Variants in LRRFIP2 observed in about 807,000 individuals in gnomAD.
LRRFIP2 encodes the protein LRR binding FLII interacting protein 2, also known as leucine-rich repeat flightless-interacting protein 2.
In LRRFIP2, 109 loss-of-function variants were observed where a neutral mutation model predicts 125.9. The observed-to-expected ratio is 0.87, with a 90% CI of 0.74 to 1.01. The LOEUF (loss-of-function observed/expected upper bound fraction) is 1.01, where lower values mean the gene tolerates loss of function less well. LRRFIP2 is among the 50% of genes least tolerant of loss of function. LRRFIP2 has a pLI of 0.00. For missense variants in LRRFIP2, 850 were observed against 862.3 expected, an observed-to-expected ratio of 0.99 and a Z score of 0.18; for synonymous variants, 291 against 293.1, an observed-to-expected ratio of 0.99 and a Z score of 0.07.
rs146731076 is a variant in LRRFIP2, at chr3:37,106,965, C to T, written c.714+1108G>A. Among the ~76,000 whole-genome samples the T allele has an allele frequency of 1.9e-3, 288 of 148,004 alleles. 1 individual carries two copies. The highest frequency in any genetic ancestry group is 6.8e-3 in the African/African-American group (272 of 39,838). On this transcript the variant is annotated intron_variant, in intron 13 of 27. Coordinates refer to ENST00000336686, the MANE Select transcript of LRRFIP2 (RefSeq NM_006309.4). ...TGTTGCCCAGGCTGGAGTGCAATGG[C>T]GTGATCTTGGCTCACCGCAGCCTCC...
At chr3:37,148,139 AAT>A (rs2095906715) in intron 2 of LRRFIP2, among the ~76,000 whole-genome samples, 1 of 152,202 alleles carries the variant, frequency 6.6e-6, no homozygotes, top group Non-Finnish European at 1.5e-5. Flanking sequence ...TCAACATTCT[AAT>A]TATCCTAAGT....
intron 19 of LRRFIP2, among the ~76,000 whole-genome samples, chr3:37,081,884 C>A: frequency 1.5e-5 from 2 of 130,902 alleles, no homozygotes. Context: ...GAGACCTTGT[C>A]TCCAAAAGAA....
At chr3:37,160,555 G>A (rs951676676) in intron 1 of LRRFIP2, among the ~76,000 whole-genome samples, 22 of 152,170 alleles carry the variant, frequency 1.4e-4, no homozygotes, top group African/African-American at 3.9e-4. Context: ...TGACGCAGGC[G>A]GATCACCTGA....
intron 1 of LRRFIP2, chr3:37,170,529 T>A (rs1055883624): frequency 7.2e-5 from 11 of 152,230 alleles, no homozygotes; most frequent in Admixed American, 3.3e-4. Context: ...AGCTAATTTA[T>A]CTATCTGAAC....
At chr3:37,150,263 G>C (rs1426783854) in intron 1 of LRRFIP2, among the ~76,000 whole-genome samples, 1 of 152,104 alleles carries the variant, frequency 6.6e-6, no homozygotes, top group Non-Finnish European at 1.5e-5. Context: ...AGGAGTTCAA[G>C]ACCAGCCTGA....
At chr3:37,069,531 T>C (rs2090779822) in intron 21 of LRRFIP2, among the ~76,000 whole-genome samples, 1 of 152,168 alleles carries the variant, frequency 6.6e-6, no homozygotes, top group South Asian at 2.1e-4. Context: ...GAAGGTGGAA[T>C]GGTAGTTGCC....
intron 2 of LRRFIP2, among the ~76,000 whole-genome samples, chr3:37,141,905 C>A (rs916187004): frequency 6.6e-6 from 1 of 152,172 alleles, no homozygotes; most frequent in Non-Finnish European, 1.5e-5. Context: ...GTCCCAGCTC[C>A]AGCCAGTTTC....
intron 2 of LRRFIP2, among the ~76,000 whole-genome samples, chr3:37,136,642 T>G (rs2095560444): frequency 6.6e-6 from 1 of 152,086 alleles, no homozygotes; most frequent in Non-Finnish European, 1.5e-5. Context: ...CTTAATAATA[T>G]GCATTATGAA....
intron 4 of LRRFIP2, among the ~76,000 whole-genome samples, chr3:37,127,299 A>C (rs907284088): frequency 1.3e-5 from 2 of 152,188 alleles, no homozygotes; most frequent in African/African-American, 4.8e-5. Flanking sequence ...CTTTCAATGA[A>C]GACCATGTGG....
chr3:37,106,115 G>A (rs1338994198), intron 13 of LRRFIP2, among the ~76,000 whole-genome samples: 1 of 152,138 alleles, frequency 6.6e-6, no homozygotes, highest in Non-Finnish European at 1.5e-5. Flanking sequence ...AAACCAGCTA[G>A]GGATTTCATA....
chr3:37,155,504 A>C (rs910546022), intron 1 of LRRFIP2, among the ~76,000 whole-genome samples: 2 of 152,242 alleles, frequency 1.3e-5, no homozygotes, highest in African/African-American at 4.8e-5. Context: ...ACAAAAAAGG[A>C]GAAATTTTTA....
chr3:37,082,764 T>G (rs2092743732), intron 19 of LRRFIP2, among the ~76,000 whole-genome samples: 2 of 152,224 alleles, frequency 1.3e-5, no homozygotes, highest in African/African-American at 4.8e-5. Flanking sequence ...CAGGCTGGAA[T>G]GGGCATTTCT....
intron 1 of LRRFIP2, among the ~76,000 whole-genome samples, chr3:37,161,401 A>C (rs1212951716): frequency 1.3e-5 from 2 of 152,292 alleles, no homozygotes; most frequent in East Asian, 3.9e-4. Context: ...CTCGTGCTAC[A>C]TACAACAAGG....
intron 19 of LRRFIP2, among the ~76,000 whole-genome samples, chr3:37,078,080 T>C (rs954834175): frequency 3.9e-5 from 6 of 152,184 alleles, no homozygotes; most frequent in Non-Finnish European, 8.8e-5. Flanking sequence ...AGATCTGATG[T>C]ACACTAATGT....
intron 23 of LRRFIP2, 169 bp downstream of exon 23, chr3:37,065,641 G>A (rs761038993): frequency 2.4e-6 from 2 of 818,648 alleles, no homozygotes; most frequent in Non-Finnish European, 4.1e-6. Flanking sequence ...ATTTCCCAAG[G>A]TCAAGGATGT....
chr3:37,160,727 C>T (rs1416653972), intron 1 of LRRFIP2, among the ~76,000 whole-genome samples: 3 of 150,578 alleles, frequency 2.0e-5, no homozygotes, highest in Non-Finnish European at 3.0e-5. Flanking sequence ...TACAGTGAGC[C>T]GAGATCACGC....
At chr3:37,125,386 A>G (rs1291252687) in intron 4 of LRRFIP2, among the ~76,000 whole-genome samples, 4 of 152,224 alleles carry the variant, frequency 2.6e-5, no homozygotes, top group Non-Finnish European at 5.9e-5. Context: ...AAAGTTGACT[A>G]AACTAACACT....
intron 18 of LRRFIP2, among the ~76,000 whole-genome samples, chr3:37,090,013 G>T (rs923636763): frequency 1.3e-5 from 2 of 152,046 alleles, no homozygotes; most frequent in African/African-American, 4.8e-5. Context: ...ACCTTTTTGG[G>T]TCCTGAGTCT....
At chr3:37,173,979 G>A (rs2096621633) in intron 1 of LRRFIP2, 1 of 152,166 alleles carries the variant, frequency 6.6e-6, no homozygotes, top group South Asian at 2.1e-4. Flanking sequence ...TTCCAAAAGG[G>A]ATTTTCCAAA....
Sources: gnomAD v4.1 joint callset for allele counts (sites outside exome capture counted in the v4.1 genomes callset) on GRCh38, gnomAD v4.1.1 for gene constraint, MANE v1.5 for transcripts, NCBI Gene and HGNC (gene_info 2026-07-23, HGNC 2026-07-21) for gene names.